Variants in RASEF observed in about 807,000 individuals in gnomAD.
RASEF encodes ras and EF-hand domain-containing protein.
In RASEF, 68 loss-of-function variants were observed where a neutral mutation model predicts 90.1. The observed-to-expected ratio is 0.75, with a 90% confidence interval of 0.62 to 0.92. RASEF has a LOEUF of 0.92. Among genes scored for constraint, RASEF ranks in the 40% least tolerant of loss-of-function variants. RASEF has a pLI of 0.00. For missense variants in RASEF, 949 were observed against 937.2 expected (o/e 1.01, Z -0.16); for synonymous variants, 331 against 345.2 (o/e 0.96, Z 0.46).
At chr9:83,202,968 T>C in the RASEF span, among the ~76,000 whole-genome samples, 1 of 152,178 alleles carries the variant, frequency 6.6e-6, no homozygotes, top group Non-Finnish European at 1.5e-5. Flanking sequence ...TGGACAGCAG[T>C]ACTTAAAAGA....
intron 15 of RASEF, among the ~76,000 whole-genome samples, 190 bp downstream of exon 15, chr9:82,992,716 G>T (rs934908847): frequency 2.0e-5 from 3 of 152,150 alleles, no homozygotes; most frequent in Non-Finnish European, 4.4e-5. Flanking sequence ...ATTTTCCCAA[G>T]GGACTTAATC....
chr9:83,045,545 T>C (rs1267829006), intron 1 of RASEF, among the ~76,000 whole-genome samples: 1 of 152,218 alleles, frequency 6.6e-6, no homozygotes, highest in African/African-American at 2.4e-5. Flanking sequence ...GACAGCTCAT[T>C]TGCTATAATC....
rs773172879 is a variant in RASEF, at chr9:82,998,463, G to A, written c.1724-17C>T. The A allele has an allele frequency of 6.7e-7, 1 of 1,493,666 alleles. No individual in the cohort carries two copies. Among genetic ancestry groups the A allele is most frequent in the African/African-American group, 1.4e-5 (1 of 72,440 alleles). The allele number at this position is 1,493,666 out of a possible 1,614,324, so 92.5% of individuals were successfully genotyped here. On this transcript the variant is annotated splice_polypyrimidine_tract_variant and intron_variant, in intron 12 of 16. Transcript: ENST00000376447. The stretch of plus-strand genomic sequence containing the variant: ...AATCAACTCCTGAAAAGGAATGTGA[G>A]AGTGGAGAGCACGATGTAAATAATT...
At chr9:83,099,335 A>G in the RASEF span, among the ~76,000 whole-genome samples, 1 of 152,162 alleles carries the variant, frequency 6.6e-6, no homozygotes, top group Non-Finnish European at 1.5e-5. Context: ...ACTTATTGAA[A>G]AGCTTGGCAT....
intron 14 of RASEF, among the ~76,000 whole-genome samples, chr9:82,996,406 C>T (rs1223313698): frequency 6.6e-6 from 1 of 152,140 alleles, no homozygotes; most frequent in Non-Finnish European, 1.5e-5. Flanking sequence ...ACCATGAAAC[C>T]AGAGGACAGG....
At chr9:83,025,030 A>G (rs1829518646) in intron 2 of RASEF, among the ~76,000 whole-genome samples, 1 of 152,236 alleles carries the variant, frequency 6.6e-6, no homozygotes, top group South Asian at 2.1e-4. Flanking sequence ...TTCCCAATAC[A>G]TGCTAAAGGA....
intron 1 of RASEF, among the ~76,000 whole-genome samples, chr9:83,043,684 C>T (rs534665771): frequency 6.6e-6 from 1 of 152,216 alleles, no homozygotes; most frequent in Non-Finnish European, 1.5e-5. Context: ...TTGAAGTCAG[C>T]GAAGTTTATC....
At chr9:83,067,445 A>G (rs1239369006), upstream of RASEF, among the ~76,000 whole-genome samples, 1 of 152,162 alleles carries the variant, frequency 6.6e-6, no homozygotes, top group African/African-American at 2.4e-5. Flanking sequence ...AAATAATAAC[A>G]CTTATATACT....
chr9:82,996,941 G>C (rs1432757609), intron 14 of RASEF, 71 bp downstream of exon 14: 2 of 860,922 alleles, frequency 2.3e-6, no homozygotes, highest in Non-Finnish European at 4.0e-6. Context: ...ACAAAGAAGA[G>C]AGACAGCATT....
rs1828583084 is a variant in RASEF at position 82,980,746 on chromosome 9, T to A, written c.*1931A>T. The A allele has an allele frequency of 6.6e-6, 1 of 152,188 alleles. No homozygotes were observed. The allele number at this position is 152,188 out of a possible 1,614,324, so 9.4% of individuals were successfully genotyped here. On this transcript the variant is annotated 3_prime_UTR_variant, in exon 17 of 17. Transcript: ENST00000376447. ...TAAGACAAACAGCCATGGCAAAAGTTTTCCCATGCCACATAAATAATACCC... is the reference window on the plus strand; with the variant it reads ...TAAGACAAACAGCCATGGCAAAAGTATTCCCATGCCACATAAATAATACCC...
chr9:83,153,685 GC>G, the RASEF span, among the ~76,000 whole-genome samples: 2 of 152,170 alleles, frequency 1.3e-5, no homozygotes, highest in African/African-American at 4.8e-5. Context: ...GTTGCACAAG[GC>G]TGTTTAACGC....
At chr9:83,049,820 C>T (rs1830009716) in intron 1 of RASEF, among the ~76,000 whole-genome samples, 1 of 85,776 alleles carries the variant, frequency 1.2e-5, no homozygotes, top group African/African-American at 5.7e-5. Flanking sequence ...CGATAGTTTA[C>T]TGAGAATGAT....
At chr9:83,093,833 G>C in the RASEF span, among the ~76,000 whole-genome samples, 5 of 152,254 alleles carry the variant, frequency 3.3e-5, no homozygotes, top group Non-Finnish European at 7.3e-5. Context: ...GAGAGCGAGC[G>C]AGGGGTGTGA....
At chr9:83,196,777 T>G in the RASEF span, among the ~76,000 whole-genome samples, 2 of 152,164 alleles carry the variant, frequency 1.3e-5, no homozygotes, top group Non-Finnish European at 2.9e-5. Flanking sequence ...CTCCCTAAAT[T>G]TCCCCATCTT....
intron 1 of RASEF, 145 bp downstream of exon 1, chr9:83,062,292 G>C: frequency 1.3e-6 from 1 of 779,804 alleles, no homozygotes; most frequent in Non-Finnish European, 2.1e-6. Flanking sequence ...TCTTGGAAAA[G>C]TCAAAGCGAG....
In RASEF at chr9:82,995,476, G is replaced by T. The variant is rs373661596; in HGVS notation, c.1920+1536C>A. 5.3e-5 allele frequency among the ~76,000 whole-genome samples: 8 copies of T among 152,054 alleles called. No individual in the cohort carries two copies. The South Asian group carries it at 1.7e-3, about 32-fold the overall frequency. On this transcript the variant is annotated intron_variant, in intron 14 of 16. Transcript: ENST00000376447. Reference sequence around the variant, plus strand: ...CCTTTTTATTTGAGATGGGGGTCTCGCTCTGTCACTCAGGCTGGAGTGCAG... The same window carrying T: ...CCTTTTTATTTGAGATGGGGGTCTCTCTCTGTCACTCAGGCTGGAGTGCAG...
the RASEF span, among the ~76,000 whole-genome samples, chr9:83,172,554 C>A: frequency 6.6e-6 from 1 of 151,002 alleles, no homozygotes; most frequent in Non-Finnish European, 1.5e-5. Flanking sequence ...TTGCTTTGTG[C>A]TTACCATGAA....
At chr9:83,004,662 A>T (rs1829097819) in intron 8 of RASEF, 76 bp from the exon 9 acceptor site, 2 of 886,180 alleles carry the variant, frequency 2.3e-6, no homozygotes, top group Admixed American at 3.7e-5. Context: ...AGGTACACAC[A>T]AACCCATTTT....
At chr9:83,198,897 T>C in the RASEF span, among the ~76,000 whole-genome samples, 1 of 151,746 alleles carries the variant, frequency 6.6e-6, no homozygotes, top group Non-Finnish European at 1.5e-5. Flanking sequence ...TAGAAAGAAA[T>C]ACAAATCTTA....
Sources: gnomAD v4.1 joint callset for allele counts (sites outside exome capture counted in the v4.1 genomes callset) on GRCh38, gnomAD v4.1.1 for gene constraint, MANE v1.5 for transcripts, NCBI Gene and HGNC (gene_info 2026-07-23, HGNC 2026-07-21) for gene names.